The following DGKB variants were observed in gnomAD, a reference collection of about 807,000 sequenced individuals.
DGKB encodes 90 kDa diacylglycerol kinase.
In DGKB, 67 loss-of-function variants were observed where a neutral mutation model predicts 114.3. The observed-to-expected ratio is 0.59, with a 90% CI of 0.48 to 0.72. The LOEUF is 0.72. Ranked by LOEUF, DGKB falls within the 30% of genes least tolerant of loss-of-function variation. The pLI is 0.00. For synonymous variants in DGKB, 398 were observed against 323.1 expected (o/e 1.23, Z -2.49); for missense variants, 907 against 975.2 (o/e 0.93, Z 0.93).
At chr7:14,764,051 T>G (rs1836100205) in intron 2 of DGKB, among the ~76,000 whole-genome samples, 1 of 151,944 alleles carries the variant, frequency 6.6e-6, no homozygotes, top group Non-Finnish European at 1.5e-5. Flanking sequence ...ACATAGCTTT[T>G]TCCTCTTATC....
intron 21 of DGKB, among the ~76,000 whole-genome samples, chr7:14,420,074 T>C (rs1464920432): frequency 6.6e-6 from 1 of 152,056 alleles, no homozygotes; most frequent in African/African-American, 2.4e-5. Flanking sequence ...ATTGATTATT[T>C]TAACTTTTTT....
Position 14,220,854 on chromosome 7 carries a change from A to T in DGKB, c.2123-42703T>A, listed in dbSNP as rs550817345. ...TTTCTTTTAATTTTTTAAAATTTTT[A>T]AAAATTTCTTTCAATGATGTTTTGC... On this transcript the variant is annotated intron_variant, in intron 23 of 25. Coordinates refer to ENST00000402815, the MANE Select transcript of DGKB (RefSeq NM_001350709.2). Among the ~76,000 whole-genome samples, 152 of 151,588 alleles carry T rather than the reference A, an allele frequency of 1.0e-3. 1 individual carries two copies. The highest frequency in any genetic ancestry group is 7.2e-3 in the South Asian group (35 of 4,830).
intron 23 of DGKB, among the ~76,000 whole-genome samples, chr7:14,199,103 A>G (rs986982335): frequency 8.6e-5 from 13 of 151,990 alleles, no homozygotes; most frequent in African/African-American, 2.7e-4. Flanking sequence ...TATTGTTCCA[A>G]TCAGTTACAT....
At chr7:14,464,859 T>A (rs1258866914) in intron 21 of DGKB, among the ~76,000 whole-genome samples, 1 of 152,184 alleles carries the variant, frequency 6.6e-6, no homozygotes, top group Non-Finnish European at 1.5e-5. Flanking sequence ...TTTTTCTTTC[T>A]TCCTGTGTAC....
intron 23 of DGKB, among the ~76,000 whole-genome samples, chr7:14,305,472 A>T (rs531962256): frequency 5.8e-4 from 89 of 152,248 alleles, no homozygotes; most frequent in African/African-American, 2.1e-3. Context: ...CATGGAGGAG[A>T]ATAAGACAGT....
intron 23 of DGKB, among the ~76,000 whole-genome samples, chr7:14,178,685 G>A (rs1358382968): frequency 3.9e-5 from 6 of 152,050 alleles, no homozygotes; most frequent in Non-Finnish European, 7.4e-5. Context: ...TGTAGTAATA[G>A]GTAACTGTAC....
At chr7:14,691,145 T>C (rs1822792290) in intron 9 of DGKB, among the ~76,000 whole-genome samples, 1 of 152,178 alleles carries the variant, frequency 6.6e-6, no homozygotes, top group Non-Finnish European at 1.5e-5. Flanking sequence ...TGGAGAAAAA[T>C]AAATTGCATT....
At chr7:14,574,755 A>C (rs1798874470) in intron 19 of DGKB, among the ~76,000 whole-genome samples, 2 of 152,158 alleles carry the variant, frequency 1.3e-5, no homozygotes, top group Admixed American at 6.5e-5. Context: ...CCAGCTGCTA[A>C]AGTCAGAAAC....
At chr7:14,421,710 T>G (rs903669167) in intron 21 of DGKB, among the ~76,000 whole-genome samples, 2 of 152,022 alleles carry the variant, frequency 1.3e-5, no homozygotes, top group Non-Finnish European at 2.9e-5. Flanking sequence ...AGCTCTAAAA[T>G]AAGAAAGTGA....
intron 2 of DGKB, among the ~76,000 whole-genome samples, chr7:14,792,507 G>T (rs1840806500): frequency 6.6e-6 from 1 of 152,014 alleles, no homozygotes; most frequent in African/African-American, 2.4e-5. Flanking sequence ...CATCTGCTTT[G>T]GGCAAAATGA....
At chr7:14,894,547 A>C (rs990313812) in intron 1 of DGKB, among the ~76,000 whole-genome samples, 1 of 151,594 alleles carries the variant, frequency 6.6e-6, no homozygotes, top group Non-Finnish European at 1.5e-5. Flanking sequence ...TCACTAATTC[A>C]GGACATTGCC....
chr7:14,261,261 A>G (rs1796738413), intron 23 of DGKB, among the ~76,000 whole-genome samples: 1 of 151,942 alleles, frequency 6.6e-6, no homozygotes, highest in South Asian at 2.1e-4. Flanking sequence ...AAAAAAAGCC[A>G]AACTATAAAT....
chr7:14,424,238 C>T (rs956570533), intron 21 of DGKB, among the ~76,000 whole-genome samples: 7 of 151,612 alleles, frequency 4.6e-5, no homozygotes, highest in Admixed American at 1.3e-4. Context: ...ATTCTCCCTG[C>T]CCAGTTTTGT....
intron 17 of DGKB, among the ~76,000 whole-genome samples, chr7:14,589,669 T>A (rs981821712): frequency 6.6e-6 from 1 of 152,084 alleles, no homozygotes; most frequent in East Asian, 1.9e-4. Context: ...TCTCTGTCCT[T>A]TAATCGGTTA....
At chr7:14,623,677 G>C (rs908220892) in intron 14 of DGKB, among the ~76,000 whole-genome samples, 16 of 152,082 alleles carry the variant, frequency 1.1e-4, no homozygotes, top group African/African-American at 3.9e-4. Flanking sequence ...GCCATAATAG[G>C]ATTCCTGAAA....
chr7:14,209,977 G>T (rs1326063811), intron 23 of DGKB, among the ~76,000 whole-genome samples: 4 of 151,708 alleles, frequency 2.6e-5, no homozygotes, highest in Non-Finnish European at 5.9e-5. Context: ...ATAAATGGGT[G>T]GTCTTTGGAT....
At chr7:14,300,870 A>G (rs1054929314) in intron 23 of DGKB, among the ~76,000 whole-genome samples, 6 of 152,144 alleles carry the variant, frequency 3.9e-5, no homozygotes, top group African/African-American at 9.6e-5. Context: ...GTTGAATTCA[A>G]TGACTCACTC....
At chr7:14,193,855 C>A (rs989629841) in intron 23 of DGKB, among the ~76,000 whole-genome samples, 4 of 151,570 alleles carry the variant, frequency 2.6e-5, no homozygotes, top group African/African-American at 4.8e-5. Flanking sequence ...GGAAAAAAAC[C>A]CCCAAATACC....
chr7:14,200,097 A>T (rs1785609444), intron 23 of DGKB, among the ~76,000 whole-genome samples: 1 of 152,082 alleles, frequency 6.6e-6, no homozygotes, highest in African/African-American at 2.4e-5. Flanking sequence ...CATTCTGGTT[A>T]ATAAATTGAG....
Sources: allele counts gnomAD v4.1 joint callset (sites outside exome capture counted in the v4.1 genomes callset), GRCh38; gene constraint gnomAD v4.1.1; transcripts MANE v1.5; gene names NCBI Gene and HGNC (gene_info 2026-07-23, HGNC 2026-07-21).